Variants in LARP4 observed in about 807,000 individuals in gnomAD.
The protein encoded by LARP4 is la-related protein 4.
In LARP4, 29 loss-of-function variants were observed where a neutral mutation model predicts 92.9. That is an observed-to-expected ratio of 0.31 (90% CI 0.23 to 0.43). The LOEUF is 0.43. Ranked by LOEUF, LARP4 falls within the 20% of genes least tolerant of loss-of-function variation. LARP4 has a pLI of 1.00. For synonymous variants in LARP4, 279 were observed against 284.1 expected, an observed-to-expected ratio of 0.98 and a Z score of 0.18; for missense variants, 732 against 860.0, an observed-to-expected ratio of 0.85 and a Z score of 1.86.
At chr12:50,417,493 T>C (rs1947035702) in intron 1 of LARP4, among the ~76,000 whole-genome samples, 1 of 152,122 alleles carries the variant, frequency 6.6e-6, no homozygotes, top group Admixed American at 6.6e-5. Flanking sequence ...CTAATTACGA[T>C]ATGAGGAAGT....
At chr12:50,443,416 G>A (rs1343603183) in intron 8 of LARP4, among the ~76,000 whole-genome samples, 1 of 151,990 alleles carries the variant, frequency 6.6e-6, no homozygotes, top group Non-Finnish European at 1.5e-5. Context: ...GACCACAGGT[G>A]CACACCATCA....
intron 1 of LARP4, chr12:50,415,971 A>C (rs1466055065): frequency 6.6e-6 from 1 of 151,662 alleles, no homozygotes; most frequent in Non-Finnish European, 1.5e-5. Context: ...ACCCCCAAAG[A>C]GTTAGGATTA....
chr12:50,472,078 C>T (rs778873099), intron 13 of LARP4, among the ~76,000 whole-genome samples: 8 of 151,940 alleles, frequency 5.3e-5, no homozygotes, highest in Non-Finnish European at 1.5e-5. Flanking sequence ...TATTTTCTAC[C>T]AAGTTTTTCT....
At chr12:50,411,851 T>C (rs1477143577) in intron 1 of LARP4, among the ~76,000 whole-genome samples, 1 of 151,738 alleles carries the variant, frequency 6.6e-6, no homozygotes, top group Non-Finnish European at 1.5e-5. Flanking sequence ...CACTGAATTA[T>C]TGTATTTTTA....
At chr12:50,408,960 T>C (rs1244723280) in intron 1 of LARP4, among the ~76,000 whole-genome samples, 2 of 151,882 alleles carry the variant, frequency 1.3e-5, no homozygotes, top group Non-Finnish European at 2.9e-5. Flanking sequence ...CTGGGCAACA[T>C]AGTGACACCC....
intron 1 of LARP4, among the ~76,000 whole-genome samples, chr12:50,426,872 G>A (rs1382400322): frequency 1.3e-5 from 2 of 151,214 alleles, no homozygotes; most frequent in African/African-American, 2.4e-5. Flanking sequence ...TGAAGTAGCC[G>A]GGACTACAGG....
In LARP4 at chr12:50,466,962, C is replaced by A. The variant is rs1193379691; in HGVS notation, c.1387C>A (p.Pro463Thr). The A allele has an allele frequency of 1.6e-5, 26 of 1,606,746 alleles. No individual in the cohort carries two copies. Among genetic ancestry groups the A allele is most frequent in the Non-Finnish European group, 2.0e-5 (24 of 1,175,054 alleles). ...TTTTATTATTTGTTCATTTTAGAGA[C>A]CTCATCCTTCAACAGCTGAATCAAA... ...RRREDDRISR[P>T]HPSTAESKAP... The change falls in exon 13 of 16, where the codon CCT becomes ACT. Residue 463 changes from proline (P) to threonine (T), a missense_variant. Coordinates refer to ENST00000398473, the MANE Select transcript of LARP4 (RefSeq NM_052879.5).
intron 8 of LARP4, among the ~76,000 whole-genome samples, chr12:50,446,948 C>A (rs1952308303): frequency 6.6e-6 from 1 of 152,116 alleles, no homozygotes; most frequent in Non-Finnish European, 1.5e-5. Flanking sequence ...GGTTCCTGGC[C>A]TATGGCTGTA....
chr12:50,468,451 G>A (rs6580754), intron 13 of LARP4, among the ~76,000 whole-genome samples: 105,763 of 151,288 alleles, frequency 0.7, 43,636 homozygotes, highest in Non-Finnish European at 0.93. Flanking sequence ...CTGCCACTAC[G>A]CCCGGCTAAT....
intron 11 of LARP4, 31 bp from the exon 12 acceptor site, chr12:50,462,551 C>G: frequency 8.1e-7 from 1 of 1,240,096 alleles, no homozygotes; most frequent in African/African-American, 1.5e-5. Flanking sequence ...CCCTCCACCC[C>G]ACCCCACCCC....
Position 50,473,398 on chromosome 12 carries a change from A to C in LARP4, c.1546-17A>C. 1 of 1,607,044 alleles carries C rather than the reference A, an allele frequency of 6.2e-7. No individual in the cohort carries two copies. Among genetic ancestry groups the C allele is most frequent in the Non-Finnish European group, 8.5e-7 (1 of 1,174,514 alleles). ...AAAAGGTCTAAGTGTAATTTTGAAAAATCTTTTTACTTTAAGGATAATGAA... is the reference window on the plus strand; with the variant it reads ...AAAAGGTCTAAGTGTAATTTTGAAACATCTTTTTACTTTAAGGATAATGAA... On this transcript the variant is annotated splice_polypyrimidine_tract_variant and intron_variant, in intron 13 of 15. Coordinates refer to ENST00000398473, the MANE Select transcript of LARP4 (RefSeq NM_052879.5).
chr12:50,473,432 A>G lies in LARP4; in HGVS notation c.1563A>G (p.Thr521=). ...ACTTTAAGGATAATGAAGAGTTGAC[A>G]ATTAGTTGCCCAGTGCCTGCAGATG... ...VYKEKDNEEL[T]ISCPVPADEQ... Residue 521 remains threonine, a synonymous_variant, in exon 14 of 16, where the codon ACA becomes ACG. Coordinates refer to ENST00000398473, the MANE Select transcript of LARP4 (RefSeq NM_052879.5). 6.2e-7 allele frequency: 1 copy of G among 1,613,334 alleles called. No individual in the cohort carries two copies. Among genetic ancestry groups the G allele is most frequent in the Non-Finnish European group, 8.5e-7 (1 of 1,179,454 alleles).
intron 8 of LARP4, among the ~76,000 whole-genome samples, chr12:50,452,308 A>G (rs1953352456): frequency 2.0e-5 from 3 of 151,914 alleles, no homozygotes; most frequent in Non-Finnish European, 2.9e-5. Flanking sequence ...CAGCCTTCCA[A>G]GTAGCTGGGA....
At chr12:50,458,108 A>AT (rs550782259) in intron 10 of LARP4, among the ~76,000 whole-genome samples, 152 of 142,174 alleles carry the variant, frequency 1.1e-3, no homozygotes, top group South Asian at 1.3e-3. Context: ...AAGTTTTTGT[A>AT]TTTTTTTTTT....
At chr12:50,428,782 CT>C in intron 2 of LARP4, 152 bp from the exon 3 acceptor site, 1 of 573,706 alleles carries the variant, frequency 1.7e-6, no homozygotes, top group Non-Finnish European at 3.0e-6. Context: ...ACTTATCTCC[CT>C]CGGAATGATA....
At chr12:50,436,122 T>TGTG (rs1950407829) in intron 5 of LARP4, among the ~76,000 whole-genome samples, 1 of 102,366 alleles carries the variant, frequency 9.8e-6, no homozygotes, top group African/African-American at 4.1e-5. Flanking sequence ...GTGTGTGTGA[T>TGTG]ATGTGTGTGT....
intron 8 of LARP4, among the ~76,000 whole-genome samples, chr12:50,451,030 C>T (rs1379501803): frequency 1.3e-5 from 2 of 152,096 alleles, no homozygotes; most frequent in African/African-American, 4.8e-5. Context: ...TATATTTTTT[C>T]CCCACAGCTT....
chr12:50,476,747 GTTCT>G lies in LARP4; in HGVS notation c.*886_*889del, dbSNP rs1287279618. 6.6e-6 allele frequency: 1 copy of G among 152,394 alleles called. No individual in the cohort carries two copies. Among genetic ancestry groups the G allele is most frequent in the Admixed American group, 6.6e-5 (1 of 15,246 alleles). 9.4% of individuals were successfully genotyped at this position (152,394 alleles called of 1,614,324 possible). A position where few individuals can be genotyped will look rare whatever the true frequency, so the allele number is the denominator to read the frequency against. On this transcript the variant is annotated 3_prime_UTR_variant, in exon 16 of 16. Transcript: ENST00000398473. Reference sequence around the variant, plus strand: ...TTTCTTACTCCATTTGTTACTCTCTGTTCTTTGACTGCCCACCCACAGAAAAGCA... The same window carrying G: ...TTTCTTACTCCATTTGTTACTCTCTGTTGACTGCCCACCCACAGAAAAGCA...
At chr12:50,423,472 G>C (rs550526209) in intron 1 of LARP4, among the ~76,000 whole-genome samples, 2 of 151,968 alleles carry the variant, frequency 1.3e-5, no homozygotes, top group Admixed American at 6.6e-5. Flanking sequence ...TTTTTGAGAC[G>C]GAGTCTTGCT....
Sources: gnomAD v4.1 joint callset for allele counts (sites outside exome capture counted in the v4.1 genomes callset) on GRCh38, gnomAD v4.1.1 for gene constraint, MANE v1.5 for transcripts, NCBI Gene and HGNC (gene_info 2026-07-23, HGNC 2026-07-21) for gene names.